Variants in ARHGAP29 observed in about 807,000 individuals in gnomAD.
ARHGAP29 encodes the protein Rho GTPase activating protein 29, also known as rho GTPase-activating protein 29.
Under a neutral mutation model 122.6 loss-of-function variants are expected in ARHGAP29, and 43 were observed. The observed-to-expected ratio is 0.35, with a 90% CI of 0.27 to 0.45. ARHGAP29 has a LOEUF of 0.45. ARHGAP29 is among the 20% of genes least tolerant of loss of function. The pLI is 1.00. For missense variants in ARHGAP29, 1,303 were observed against 1,477.2 expected, an observed-to-expected ratio of 0.88 and a Z score of 1.93; for synonymous variants, 506 against 497.1, an observed-to-expected ratio of 1.02 and a Z score of -0.24.
chr1:94,290,938 C>G, the ARHGAP29 span, among the ~76,000 whole-genome samples: 2 of 152,100 alleles, frequency 1.3e-5, no homozygotes, highest in African/African-American at 4.8e-5. Context: ...TCTATTAGGT[C>G]CACTTGGTCC....
intron 2 of ARHGAP29, among the ~76,000 whole-genome samples, chr1:94,223,184 T>C (rs562310745): frequency 2.0e-5 from 3 of 152,222 alleles, no homozygotes; most frequent in Non-Finnish European, 4.4e-5. Flanking sequence ...GACCTCGTGA[T>C]CCATCCGCCT....
chr1:94,258,705 A>G (rs2100710054), intron 1 of ARHGAP29, among the ~76,000 whole-genome samples: 1 of 152,362 alleles, frequency 6.6e-6, no homozygotes, highest in East Asian at 1.9e-4. Context: ...CTTCCTATGT[A>G]GTAAGGTCTT....
intron 1 of ARHGAP29, among the ~76,000 whole-genome samples, chr1:94,273,122 T>C (rs1655054300): frequency 6.6e-6 from 1 of 152,134 alleles, no homozygotes; most frequent in South Asian, 2.1e-4. Context: ...ACTTAAAGGA[T>C]TGAAAGTGGG....
chr1:94,222,546 C>T (rs577491018), intron 2 of ARHGAP29, among the ~76,000 whole-genome samples: 1 of 152,248 alleles, frequency 6.6e-6, no homozygotes, highest in Non-Finnish European at 1.5e-5. Flanking sequence ...AAGCGCCATC[C>T]TGCAGAATAC....
At chr1:94,307,432 T>C in the ARHGAP29 span, among the ~76,000 whole-genome samples, 1 of 152,242 alleles carries the variant, frequency 6.6e-6, no homozygotes, top group African/African-American at 2.4e-5. Context: ...CCAATGGGAT[T>C]TTATAATGGA....
At chr1:94,207,631 G>A (rs6677288) in intron 5 of ARHGAP29, among the ~76,000 whole-genome samples, 14,147 of 152,056 alleles carry the variant, frequency 0.093, 989 homozygotes, top group African/African-American at 0.19. Flanking sequence ...ATGAATAATA[G>A]CAAAATATTT....
chr1:94,282,168 C>T, the ARHGAP29 span, among the ~76,000 whole-genome samples: 3 of 150,682 alleles, frequency 2.0e-5, no homozygotes, highest in Non-Finnish European at 2.9e-5. Flanking sequence ...GGACTGGAGC[C>T]CACAACCTTG....
chr1:94,267,911 T>A (rs1654835295), intron 1 of ARHGAP29, among the ~76,000 whole-genome samples: 1 of 152,220 alleles, frequency 6.6e-6, no homozygotes, highest in African/African-American at 2.4e-5. Context: ...CACTATATAA[T>A]AAGAGACCTT....
intron 1 of ARHGAP29, among the ~76,000 whole-genome samples, chr1:94,257,125 C>G (rs528270597): frequency 6.4e-4 from 97 of 151,128 alleles, no homozygotes; most frequent in African/African-American, 2.3e-3. Flanking sequence ...TTGGCTGGGC[C>G]GGGCATGGTG....
At chr1:94,178,448 C>T (rs993727845) in intron 20 of ARHGAP29, among the ~76,000 whole-genome samples, 1 of 152,160 alleles carries the variant, frequency 6.6e-6, no homozygotes, top group African/African-American at 2.4e-5. Context: ...CTGCTCCCAT[C>T]TCAGTATATG....
At chr1:94,313,883 C>G in the ARHGAP29 span, among the ~76,000 whole-genome samples, 8 of 152,122 alleles carry the variant, frequency 5.3e-5, no homozygotes, top group African/African-American at 1.9e-4. Context: ...GAACAGAAAA[C>G]CAAACACTAC....
At chr1:94,228,042 T>C (rs1315263726) in intron 2 of ARHGAP29, among the ~76,000 whole-genome samples, 1 of 151,758 alleles carries the variant, frequency 6.6e-6, no homozygotes, top group East Asian at 1.9e-4. Flanking sequence ...ATTACCAAAC[T>C]CTGTCACTTA....
At chr1:94,275,957 T>TAA (rs60193789), upstream of ARHGAP29, among the ~76,000 whole-genome samples, 3 of 148,480 alleles carry the variant, frequency 2.0e-5, no homozygotes, top group East Asian at 5.9e-4. Context: ...TTTTCAACCT[T>TAA]AAAAAAAAAA....
intron 2 of ARHGAP29, among the ~76,000 whole-genome samples, chr1:94,227,777 G>A (rs1322868995): frequency 6.6e-6 from 1 of 151,692 alleles, no homozygotes; most frequent in Non-Finnish European, 1.5e-5. Flanking sequence ...TATTCCACAG[G>A]GAGGAAACCA....
chr1:94,232,160 T>A (rs978963862), intron 1 of ARHGAP29, among the ~76,000 whole-genome samples: 4 of 152,166 alleles, frequency 2.6e-5, no homozygotes, highest in African/African-American at 9.6e-5. Flanking sequence ...TACCTGTTCT[T>A]AAAATCCTCC....
intron 1 of ARHGAP29, among the ~76,000 whole-genome samples, chr1:94,248,541 T>C (rs2100690883): frequency 6.6e-6 from 1 of 152,348 alleles, no homozygotes; most frequent in Admixed American, 6.5e-5. Context: ...TATTAGCTGA[T>C]TAATGGGTAA....
chr1:94,247,327 C>T (rs1653846047), intron 1 of ARHGAP29, among the ~76,000 whole-genome samples: 1 of 151,968 alleles, frequency 6.6e-6, no homozygotes, highest in South Asian at 2.1e-4. Context: ...GAAAGTCCAC[C>T]CGGCCAGCTT....
At chr1:94,257,973 A>G (rs1251202965) in intron 1 of ARHGAP29, among the ~76,000 whole-genome samples, 1 of 152,186 alleles carries the variant, frequency 6.6e-6, no homozygotes, top group Non-Finnish European at 1.5e-5. Context: ...AAGGAAGATG[A>G]TGATAGAAGC....
chr1:94,250,206 T>C (rs1017976286), intron 1 of ARHGAP29, among the ~76,000 whole-genome samples: 2 of 152,100 alleles, frequency 1.3e-5, no homozygotes, highest in African/African-American at 4.8e-5. Flanking sequence ...AGTGGACAGG[T>C]GCTCTTCCCC....
Sources: allele counts gnomAD v4.1 joint callset (sites outside exome capture counted in the v4.1 genomes callset), GRCh38; gene constraint gnomAD v4.1.1; transcripts MANE v1.5; gene names NCBI Gene and HGNC (gene_info 2026-07-23, HGNC 2026-07-21).